The following PHKA2 variants were observed in gnomAD, a reference collection of about 807,000 sequenced individuals.
The protein encoded by PHKA2 is phosphorylase b kinase regulatory subunit alpha, liver isoform.
A neutral mutation model predicts 102.0 loss-of-function variants in PHKA2; 31 were observed. The observed-to-expected ratio is 0.30, with a 90% confidence interval of 0.23 to 0.41. The LOEUF (loss-of-function observed/expected upper bound fraction) is 0.41. Ranked by LOEUF, PHKA2 falls within the 10% of genes least tolerant of loss-of-function variation. PHKA2 has a pLI of 1.00. For missense variants in PHKA2, 858 were observed against 1,023.1 expected (o/e 0.84, Z 2.20); for synonymous variants, 455 against 416.2 (o/e 1.09, Z -1.13).
At chrX:18,950,294 G>A (rs1254454268) in intron 4 of PHKA2, among the ~76,000 whole-genome samples, 1 of 112,208 alleles carries the variant, frequency 8.9e-6, no homozygotes, top group African/African-American at 3.2e-5. Context: ...AGAAGAGGGT[G>A]ACCAGGGTAG....
intron 19 of PHKA2, 119 bp downstream of exon 19, chrX:18,918,562 T>A (rs2048059061): frequency 3.1e-6 from 2 of 644,154 alleles, no homozygotes; most frequent in Non-Finnish European, 5.1e-6. Flanking sequence ...TACCTCTAAG[T>A]AGAAGCACGT....
chrX:18,928,873 G>A (rs538146333), intron 13 of PHKA2, among the ~76,000 whole-genome samples: 1 of 112,953 alleles, frequency 8.9e-6, no homozygotes, highest in African/African-American at 3.2e-5. Context: ...GGACTCCAAG[G>A]GAGGAATGAA....
intron 19 of PHKA2, 77 bp from the exon 20 acceptor site, chrX:18,911,037 A>C: frequency 1.2e-4 from 75 of 618,265 alleles, no homozygotes; most frequent in Non-Finnish European, 1.7e-4. Flanking sequence ...ACAGAATCTC[A>C]CTCTGTCACC....
chrX:18,964,493 C>A (rs761486418), intron 1 of PHKA2, among the ~76,000 whole-genome samples: 1 of 112,271 alleles, frequency 8.9e-6, no homozygotes, highest in Non-Finnish European at 1.9e-5. Context: ...CACAAGAGAC[C>A]AGGATAAATG....
In PHKA2 at chrX:18,894,363, C is replaced by T. The variant is rs1211959514; in HGVS notation, c.3378G>A (p.Ser1126=). ...HEIKFAVHVE[S]VLNRVPQPEY... ...CGGGCTGCGGCACGCGGTTCAGCAC[C>T]GATTCGACATGGACAGCAAACTTGA... Residue 1126 remains serine (S), a synonymous_variant, in exon 32 of 33, where the codon TCG becomes TCA. Coordinates refer to ENST00000379942, the MANE Select transcript of PHKA2 (RefSeq NM_000292.3). 1.2e-5 allele frequency: 14 copies of T among 1,210,367 alleles called. No homozygotes were observed. The highest frequency in any genetic ancestry group is 3.5e-5 in the South Asian group (2 of 56,862).
chrX:18,952,286 G>A (rs1392702795), intron 3 of PHKA2, among the ~76,000 whole-genome samples: 1 of 85,120 alleles, frequency 1.2e-5, no homozygotes, highest in African/African-American at 4.8e-5. Context: ...AGCCATGATC[G>A]CACCACTGCA....
At chrX:18,981,228 G>A (rs1226980218) in intron 1 of PHKA2, among the ~76,000 whole-genome samples, 1 of 111,375 alleles carries the variant, frequency 9.0e-6, no homozygotes, top group African/African-American at 3.3e-5. Flanking sequence ...GTGAATGGGT[G>A]CAATCCTGCA....
At chrX:18,931,050 G>A (rs754872671) in intron 12 of PHKA2, among the ~76,000 whole-genome samples, 4 of 111,803 alleles carry the variant, frequency 3.6e-5, no homozygotes, top group South Asian at 3.8e-4. Context: ...CATTTGAGGC[G>A]GCTCCAAAGT....
intron 10 of PHKA2, 40 bp from the exon 11 acceptor site, chrX:18,936,190 T>C (rs1384443547): frequency 2.2e-6 from 2 of 921,119 alleles, no homozygotes; most frequent in East Asian, 6.3e-5. Context: ...GAAGGAGGTC[T>C]GGTCATGATT....
intron 26 of PHKA2, among the ~76,000 whole-genome samples, chrX:18,902,412 C>T (rs1323849234): frequency 1.8e-5 from 2 of 109,430 alleles, no homozygotes; most frequent in African/African-American, 6.6e-5. Flanking sequence ...GCTGGGATTA[C>T]AGGCATGAAC....
In PHKA2 at chrX:18,894,253, T is replaced by G. The variant is rs757758365; in HGVS notation, c.3488A>C (p.His1163Pro). ...TEMTSIGGIIHVDQIVQMASQ... is the reference protein window; with the variant it reads ...TEMTSIGGIIPVDQIVQMASQ... ...GGCCATCTGCACGATCTGGTCCACG[T>G]GGATGATGCCCCCGATGCTGGTCAT... Residue 1163 changes from histidine to proline, a missense_variant, in exon 32 of 33, where the codon CAC becomes CCC. By Grantham distance (77) the His-to-Pro change is moderately conservative. Around this residue, in one of 2 missense-constraint regions of PHKA2, gnomAD observed 671 missense variants for 745.2 expected, o/e 0.90. Coordinates refer to ENST00000379942, the MANE Select transcript of PHKA2 (RefSeq NM_000292.3). 2.5e-6 allele frequency: 3 copies of G among 1,211,935 alleles called. No individual in the cohort carries two copies. The highest frequency in any genetic ancestry group is 3.4e-6 in the Non-Finnish European group (3 of 895,499).
At chrX:18,919,305 G>A (rs184572045) in intron 18 of PHKA2, among the ~76,000 whole-genome samples, 5 of 111,576 alleles carry the variant, frequency 4.5e-5, no homozygotes, top group Non-Finnish European at 7.5e-5. Flanking sequence ...TGTTATATAC[G>A]TAGGGTTTCA....
rs776858012 is a variant in PHKA2, at chrX:18,918,684, G to A, written c.2134C>T (p.Pro712Ser). Residue 712 changes from proline (P) to serine (S), a missense_variant, in exon 19 of 33, where the codon CCA becomes TCA. By Grantham distance (74) the Pro-to-Ser change is moderately conservative (BLOSUM62 -1). Coordinates refer to ENST00000379942, the MANE Select transcript of PHKA2 (RefSeq NM_000292.3). ...CAGAAAAGAGTTAATAACATACATG[G>A]AACTTCCAAACCCTTTGCTTTTGCC... ...VMAKAKGLEV[P>S]FVPMTLPTKV... The A allele has an allele frequency of 2.5e-6, 3 of 1,206,632 alleles. No homozygotes were observed. The South Asian group carries it at 5.3e-5, about 21-fold the overall frequency.
Position 18,898,504 on chromosome X carries a change from C to T in PHKA2, c.3111+669G>A, listed in dbSNP as rs749058484. Among the ~76,000 whole-genome samples the T allele has an allele frequency of 5.3e-5, 6 of 113,066 alleles. No individual in the cohort carries two copies. The East Asian group carries it at 1.4e-3, about 26-fold the overall frequency. Reference sequence around the variant, plus strand: ...GATAGTGCCACACATCAAATGTGCACAGTCAAATGTAAAGGGTTAAAGTGA... The same window carrying T: ...GATAGTGCCACACATCAAATGTGCATAGTCAAATGTAAAGGGTTAAAGTGA... On this transcript the variant is annotated intron_variant, in intron 29 of 32. Transcript: ENST00000379942.
At chrX:18,927,915 G>T (rs1425246516) in intron 13 of PHKA2, among the ~76,000 whole-genome samples, 1 of 111,856 alleles carries the variant, frequency 8.9e-6, no homozygotes, top group African/African-American at 3.3e-5. Flanking sequence ...GGAGACCTGG[G>T]AGCCTCATGA....
chrX:18,894,937 TGAA>T (rs1490252714), intron 31 of PHKA2, 198 bp downstream of exon 31: 2 of 469,906 alleles, frequency 4.3e-6, no homozygotes, highest in Non-Finnish European at 7.6e-6. Context: ...GAGTCTCAGG[TGAA>T]GAAAAAGGCT....
At chrX:18,954,672 C>T (rs2048749169) in intron 1 of PHKA2, among the ~76,000 whole-genome samples, 1 of 112,706 alleles carries the variant, frequency 8.9e-6, no homozygotes, top group Admixed American at 9.4e-5. Flanking sequence ...TGTTCTTTTG[C>T]TTTCAGACGA....
chrX:18,925,609 G>C (rs2048196990), intron 15 of PHKA2, 59 bp downstream of exon 15: 1 of 652,771 alleles, frequency 1.5e-6, no homozygotes, highest in Non-Finnish European at 2.6e-6. Flanking sequence ...CAGGAGAAAA[G>C]CTTACCAGAC....
intron 25 of PHKA2, 91 bp from the exon 26 acceptor site, chrX:18,905,950 T>G: frequency 1.7e-6 from 1 of 604,055 alleles, no homozygotes; most frequent in Non-Finnish European, 2.8e-6. Context: ...AGGGAGGTGA[T>G]AGCAGATGCC....
Sources: allele counts gnomAD v4.1 joint callset (sites outside exome capture counted in the v4.1 genomes callset), GRCh38; gene constraint gnomAD v4.1.1; regional missense constraint gnomAD v4.1.1; transcripts MANE v1.5; gene names NCBI Gene and HGNC (gene_info 2026-07-23, HGNC 2026-07-21).